ARHGAP44: variants seen among roughly 807,000 people sequenced by gnomAD.
The protein encoded by ARHGAP44 is rho GTPase-activating protein 44.
A neutral mutation model predicts 106.8 loss-of-function variants in ARHGAP44; 43 were observed. The ratio of observed to expected loss-of-function variants is 0.40; its 90% confidence interval spans 0.32 to 0.52. The LOEUF (loss-of-function observed/expected upper bound fraction) is 0.52. Among genes scored for constraint, ARHGAP44 ranks in the 20% least tolerant of loss-of-function variants. The probability of loss-of-function intolerance (pLI) is 0.48; values close to 1 mark genes in which losing one functional copy is unlikely to be tolerated. For synonymous variants in ARHGAP44, 439 were observed against 410.3 expected (o/e 1.07, Z -0.85); for missense variants, 866 against 1,050.5 (o/e 0.82, Z 2.43).
At chr17:12,790,928 G>A (rs1032949198) in intron 1 of ARHGAP44, among the ~76,000 whole-genome samples, 1 of 152,156 alleles carries the variant, frequency 6.6e-6, no homozygotes, top group Non-Finnish European at 1.5e-5. Context: ...CCAGCCTTGG[G>A]TGCAGTTCAA....
At chr17:12,968,979 C>T (rs2039461445) in intron 16 of ARHGAP44, among the ~76,000 whole-genome samples, 1 of 152,032 alleles carries the variant, frequency 6.6e-6, no homozygotes, top group Non-Finnish European at 1.5e-5. Flanking sequence ...CAGTGTTAGC[C>T]AGGATGGTCT....
rs544298192 is a variant in ARHGAP44, at chr17:12,830,319, A to G, written c.53+40428A>G. 3.9e-5 allele frequency among the ~76,000 whole-genome samples: 6 copies of G among 152,214 alleles called. No homozygotes were observed. In the South Asian group the frequency reaches 1.2e-3, roughly 32 times the overall value. On this transcript the variant is annotated intron_variant, in intron 1 of 20. Transcript: ENST00000379672. The stretch of plus-strand genomic sequence containing the variant: ...TTTTGGATAATTGCTCTTTGGGGCT[A>G]GTTGTAAGAGAGGTCTTTTTTTTTC...
At chr17:12,982,449 C>T (rs138317740) in intron 19 of ARHGAP44, among the ~76,000 whole-genome samples, 2 of 152,194 alleles carry the variant, frequency 1.3e-5, no homozygotes, top group Non-Finnish European at 1.5e-5. Context: ...CCAGCTCCTT[C>T]GTGAGAAGGC....
rs368767849 is a variant in ARHGAP44, at chr17:12,942,984, CTT to C, written c.652-602_652-601del. Among the ~76,000 whole-genome samples, 203 of 152,334 alleles carry C rather than the reference CTT, an allele frequency of 1.3e-3. 7 individuals are homozygous for C. In the South Asian group the frequency reaches 0.04, roughly 30 times the overall value. The stretch of plus-strand genomic sequence containing the variant: ...TCTGATCAGTTATATGTTAGACTAA[CTT>C]TGCAGAAACAAAAGATGTATACAAG... On this transcript the variant is annotated intron_variant, in intron 8 of 20. Transcript: ENST00000379672.
chr17:12,824,292 G>A (rs1014977865), intron 1 of ARHGAP44, among the ~76,000 whole-genome samples: 6 of 152,128 alleles, frequency 3.9e-5, no homozygotes, highest in African/African-American at 1.4e-4. Flanking sequence ...GAGCAGAGGA[G>A]TGATATGATT....
At chr17:12,914,807 A>G (rs6502215) in intron 4 of ARHGAP44, among the ~76,000 whole-genome samples, 24,074 of 150,708 alleles carry the variant, frequency 0.16, 2,873 homozygotes, top group East Asian at 0.37. Flanking sequence ...AAGAAAAAAA[A>G]AAAAAAACCT....
chr17:12,846,913 CTT>C (rs1253116490), intron 1 of ARHGAP44, among the ~76,000 whole-genome samples: 1 of 152,130 alleles, frequency 6.6e-6, no homozygotes. Context: ...CAGAGGAAAA[CTT>C]TTGTGGTGCT....
chr17:12,970,810 C>T (rs1217269352), intron 16 of ARHGAP44, among the ~76,000 whole-genome samples: 4 of 152,170 alleles, frequency 2.6e-5, no homozygotes, highest in East Asian at 3.8e-4. Context: ...GTTGGATCCC[C>T]GATCTGTGAA....
intron 7 of ARHGAP44, among the ~76,000 whole-genome samples, chr17:12,935,708 T>C (rs1051249374): frequency 1.3e-5 from 2 of 152,048 alleles, no homozygotes; most frequent in Non-Finnish European, 2.9e-5. Context: ...AATGCAGGTA[T>C]GGAATCGATT....
At chr17:12,956,564 C>T in intron 14 of ARHGAP44, 91 bp from the exon 15 acceptor site, 1 of 1,112,908 alleles carries the variant, frequency 9.0e-7, no homozygotes, top group South Asian at 1.3e-5. Context: ...TCCAGGGCCC[C>T]TTCCTGGGCT....
chr17:12,879,566 C>G (rs1340008065), intron 1 of ARHGAP44, among the ~76,000 whole-genome samples: 5 of 151,904 alleles, frequency 3.3e-5, no homozygotes, highest in African/African-American at 1.2e-4. Flanking sequence ...TTAGGATACC[C>G]TACAACTCAG....
intron 19 of ARHGAP44, among the ~76,000 whole-genome samples, chr17:12,982,035 TC>T (rs1367683368): frequency 6.6e-6 from 1 of 151,984 alleles, no homozygotes; most frequent in Non-Finnish European, 1.5e-5. Context: ...CCTTTAACTT[TC>T]CCCACAGCAC....
chr17:12,951,829 C>G (rs1038037091), intron 12 of ARHGAP44, among the ~76,000 whole-genome samples: 4 of 152,164 alleles, frequency 2.6e-5, no homozygotes, highest in African/African-American at 9.7e-5. Context: ...AATGCGTGAA[C>G]CCTTTTTTCA....
At chr17:12,822,880 G>A (rs1482639432) in intron 1 of ARHGAP44, among the ~76,000 whole-genome samples, 1 of 152,178 alleles carries the variant, frequency 6.6e-6, no homozygotes, top group Admixed American at 6.5e-5. Context: ...CTTGCGTTCT[G>A]TTCAAGTATC....
intron 1 of ARHGAP44, among the ~76,000 whole-genome samples, chr17:12,814,216 A>T (rs995764561): frequency 3.4e-5 from 5 of 145,694 alleles, no homozygotes; most frequent in African/African-American, 1.3e-4. Context: ...GTTACTGTGC[A>T]GCCACCTCCC....
At chr17:12,839,221 CA>C (rs1312151122) in intron 1 of ARHGAP44, among the ~76,000 whole-genome samples, 1 of 152,160 alleles carries the variant, frequency 6.6e-6, no homozygotes, top group Non-Finnish European at 1.5e-5. Context: ...TATTTCTTCC[CA>C]GGGGTTTATC....
At chr17:12,877,152 A>G (rs1432094850) in intron 1 of ARHGAP44, among the ~76,000 whole-genome samples, 1 of 152,202 alleles carries the variant, frequency 6.6e-6, no homozygotes, top group African/African-American at 2.4e-5. Context: ...GCAGCAGGAA[A>G]ACAGTTCTGA....
intron 1 of ARHGAP44, among the ~76,000 whole-genome samples, chr17:12,807,347 A>C (rs2034303961): frequency 1.3e-5 from 2 of 152,158 alleles, no homozygotes; most frequent in Non-Finnish European, 2.9e-5. Flanking sequence ...CAGCATCCAG[A>C]GGGGAGAACC....
intron 1 of ARHGAP44, among the ~76,000 whole-genome samples, chr17:12,829,282 T>C (rs2035018810): frequency 6.6e-6 from 1 of 152,126 alleles, no homozygotes; most frequent in African/African-American, 2.4e-5. Flanking sequence ...CTGTTCTACT[T>C]GATGTAACAA....
Sources: gnomAD v4.1 joint callset for allele counts (sites outside exome capture counted in the v4.1 genomes callset) on GRCh38, gnomAD v4.1.1 for gene constraint, MANE v1.5 for transcripts, NCBI Gene and HGNC (gene_info 2026-07-23, HGNC 2026-07-21) for gene names.